EPHA6: variants seen among roughly 807,000 people sequenced by gnomAD.
The protein encoded by EPHA6 is ephrin type-A receptor 6.
In EPHA6, 50 loss-of-function variants were observed where a neutral mutation model predicts 112.0. The ratio of observed to expected loss-of-function variants is 0.45; its 90% confidence interval spans 0.36 to 0.56. The LOEUF is 0.56. Ranked by LOEUF, EPHA6 falls within the 20% of genes least tolerant of loss-of-function variation. The probability of loss-of-function intolerance (pLI) is 0.00; values close to 1 mark genes in which losing one functional copy is unlikely to be tolerated. For missense variants in EPHA6, 1,280 were observed against 1,417.4 expected (o/e 0.90, Z 1.56); for synonymous variants, 529 against 490.7 (o/e 1.08, Z -1.03).
chr3:96,928,833 T>A (rs903940625), intron 2 of EPHA6, among the ~76,000 whole-genome samples: 1 of 152,198 alleles, frequency 6.6e-6, no homozygotes, highest in Non-Finnish European at 1.5e-5. Context: ...TTAGAATAAT[T>A]AGCATTTCTT....
At chr3:97,105,881 T>G (rs2047552393) in intron 3 of EPHA6, among the ~76,000 whole-genome samples, 1 of 152,148 alleles carries the variant, frequency 6.6e-6, no homozygotes, top group Non-Finnish European at 1.5e-5. Context: ...CTTGTTGAAT[T>G]GTACCTTTTA....
intron 4 of EPHA6, among the ~76,000 whole-genome samples, chr3:97,238,512 A>C (rs912615154): frequency 6.6e-6 from 1 of 151,982 alleles, no homozygotes; most frequent in Non-Finnish European, 1.5e-5. Context: ...AAATTACTTC[A>C]GTGTAATATG....
chr3:97,301,511 A>T (rs1353410667), intron 5 of EPHA6, among the ~76,000 whole-genome samples: 2 of 152,198 alleles, frequency 1.3e-5, no homozygotes, highest in Non-Finnish European at 2.9e-5. Context: ...AGTTAGTGAT[A>T]AGGAAATTGA....
chr3:97,602,732 A>G (rs1377105518), intron 12 of EPHA6, among the ~76,000 whole-genome samples: 2 of 152,122 alleles, frequency 1.3e-5, no homozygotes, highest in African/African-American at 4.8e-5. Context: ...TGAAGAACTT[A>G]TAAAAAATTA....
intron 2 of EPHA6, among the ~76,000 whole-genome samples, chr3:96,962,861 G>T (rs147113860): frequency 6.6e-6 from 1 of 151,936 alleles, no homozygotes; most frequent in Non-Finnish European, 1.5e-5. Flanking sequence ...CAAATGAAAA[G>T]GAGGGAGCAT....
intron 3 of EPHA6, among the ~76,000 whole-genome samples, chr3:97,186,333 C>T (rs1297185916): frequency 6.6e-6 from 1 of 152,108 alleles, no homozygotes; most frequent in Non-Finnish European, 1.5e-5. Context: ...GGTAGCTTTA[C>T]TGGTACTATT....
intron 14 of EPHA6, among the ~76,000 whole-genome samples, chr3:97,703,210 G>A (rs1197466692): frequency 6.6e-6 from 1 of 152,134 alleles, no homozygotes; most frequent in Non-Finnish European, 1.5e-5. Flanking sequence ...GGGCCAAACG[G>A]TTCTGGTTGT....
chr3:97,520,339 A>T (rs2092520679), intron 10 of EPHA6, among the ~76,000 whole-genome samples: 1 of 152,064 alleles, frequency 6.6e-6, no homozygotes. Context: ...CTGATGGTAG[A>T]TATCATCCTT....
rs184582779 is a variant in EPHA6, at chr3:97,454,669, C to T, written c.1894+5939C>T. Reference sequence around the variant, plus strand: ...GCACATTTTAGGTAGGGTAAAATGACGATTTTGTTGTTAACACATTTTCTT... The same window carrying T: ...GCACATTTTAGGTAGGGTAAAATGATGATTTTGTTGTTAACACATTTTCTT... On this transcript the variant is annotated intron_variant, in intron 7 of 17. Transcript: ENST00000389672. Among the ~76,000 whole-genome samples, 288 of 151,776 alleles carry T rather than the reference C, an allele frequency of 1.9e-3. 3 individuals carry two copies. The highest frequency in any genetic ancestry group is 6.7e-3 in the African/African-American group (279 of 41,472).
chr3:97,179,174 C>T (rs1326446348), intron 3 of EPHA6, among the ~76,000 whole-genome samples: 3 of 151,998 alleles, frequency 2.0e-5, no homozygotes, highest in Non-Finnish European at 4.4e-5. Flanking sequence ...CAAACACATT[C>T]TTCAGTATAC....
At chr3:97,133,132 G>A (rs2075678954) in intron 3 of EPHA6, among the ~76,000 whole-genome samples, 1 of 152,058 alleles carries the variant, frequency 6.6e-6, no homozygotes, top group Non-Finnish European at 1.5e-5. Context: ...CGATGAGATA[G>A]TAGACGTAGA....
At chr3:97,515,384 A>G (rs1312869721) in intron 10 of EPHA6, among the ~76,000 whole-genome samples, 1 of 152,196 alleles carries the variant, frequency 6.6e-6, no homozygotes, top group African/African-American at 2.4e-5. Context: ...AGATAGTCAT[A>G]TTTTATAGAT....
chr3:97,649,101 A>G (rs1225613180), intron 14 of EPHA6, among the ~76,000 whole-genome samples: 3 of 152,108 alleles, frequency 2.0e-5, no homozygotes, highest in Non-Finnish European at 4.4e-5. Context: ...TCTCGCTGCT[A>G]ATAAAGACAT....
intron 1 of EPHA6, among the ~76,000 whole-genome samples, chr3:96,854,181 T>G (rs2035559565): frequency 8.2e-6 from 1 of 122,464 alleles, no homozygotes. Flanking sequence ...AATCATGACT[T>G]TTTTTTTTTT....
At chr3:97,418,402 C>T (rs1330231082) in intron 6 of EPHA6, among the ~76,000 whole-genome samples, 3 of 151,830 alleles carry the variant, frequency 2.0e-5, no homozygotes, top group Admixed American at 6.6e-5. Flanking sequence ...TATCTAGAAA[C>T]TTTATTACAG....
At chr3:97,201,578 C>CTAG (rs1468052086) in intron 3 of EPHA6, among the ~76,000 whole-genome samples, 1 of 151,850 alleles carries the variant, frequency 6.6e-6, no homozygotes, top group Non-Finnish European at 1.5e-5. Context: ...AACATCTCTA[C>CTAG]AAAATAATAT....
At chr3:97,295,156 T>C (rs2080830885) in intron 5 of EPHA6, among the ~76,000 whole-genome samples, 1 of 152,200 alleles carries the variant, frequency 6.6e-6, no homozygotes, top group African/African-American at 2.4e-5. Context: ...GTTATTTCAC[T>C]AAATTGGTTT....
At chr3:96,830,823 CAAGTA>C (rs1216660367) in intron 1 of EPHA6, among the ~76,000 whole-genome samples, 1 of 151,762 alleles carries the variant, frequency 6.6e-6, no homozygotes, top group Non-Finnish European at 1.5e-5. Context: ...TACAGTTAGA[CAAGTA>C]AAGAAAGTTC....
At chr3:96,947,882 G>A (rs2041351995) in intron 2 of EPHA6, among the ~76,000 whole-genome samples, 1 of 152,072 alleles carries the variant, frequency 6.6e-6, no homozygotes. Flanking sequence ...TTTCTTCACA[G>A]AATTGGAAAA....
Sources: gnomAD v4.1 joint callset for allele counts (sites outside exome capture counted in the v4.1 genomes callset) on GRCh38, gnomAD v4.1.1 for gene constraint, MANE v1.5 for transcripts, NCBI Gene and HGNC (gene_info 2026-07-23, HGNC 2026-07-21) for gene names.